The following RMDN1 variants were observed in gnomAD, a reference collection of about 807,000 sequenced individuals.
RMDN1 encodes regulator of microtubule dynamics 1.
In RMDN1, 48 loss-of-function variants were observed where a neutral mutation model predicts 48.9. The observed-to-expected ratio is 0.98, with a 90% CI of 0.78 to 1.25. The LOEUF is 1.25. Ranked by LOEUF, RMDN1 falls within the 50% of genes most tolerant of loss-of-function variation. RMDN1 has a pLI of 0.00. For missense variants in RMDN1, 418 were observed against 373.4 expected (o/e 1.12, Z -0.98); for synonymous variants, 148 against 132.6 (o/e 1.12, Z -0.80).
rs758051177 is a variant in RMDN1, at chr8:86,507,068, T to C, written c.174A>G (p.Ser58=). Reference sequence around the variant, plus strand: ...TTTCAAAACCCAAATACGACAAAGCTGAGAGTAAAAGGCCTCTTTTGAAAG... The same window carrying C: ...TTTCAAAACCCAAATACGACAAAGCCGAGAGTAAAAGGCCTCTTTTGAAAG... ...PGTFKRGLLL[S]ALSYLGFETY... Residue 58 remains serine (S), a synonymous_variant, in exon 2 of 10, where the codon TCA becomes TCG. Coordinates refer to ENST00000406452, the MANE Select transcript of RMDN1 (RefSeq NM_016033.3). 1.2e-5 allele frequency: 20 copies of C among 1,612,994 alleles called. No individual in the cohort carries two copies. The highest frequency in any genetic ancestry group is 3.3e-4 in the Middle Eastern group (2 of 6,058).
rs199728194 is a variant in RMDN1 at position 86,501,836 on chromosome 8, ATTATT to A, written c.247+5154_247+5158del. Among the ~76,000 whole-genome samples the A allele has an allele frequency of 1.7e-3, 262 of 152,232 alleles. 3 individuals carry two copies. Among genetic ancestry groups the A allele is most frequent in the African/African-American group, 6.1e-3 (252 of 41,532 alleles). On this transcript the variant is annotated intron_variant, in intron 2 of 9. Transcript: ENST00000406452. ...AGTCTAGGTTGCTTTAAAAAGATGA[ATTATT>A]TTAAGTATTTGCCAAAATAAATCAT...
chr8:86,481,994 G>T, intron 5 of RMDN1: 1 of 846,840 alleles, frequency 1.2e-6, no homozygotes, highest in Non-Finnish European at 2.0e-6. Context: ...ATGGTGTCCA[G>T]GAGTACAGTC....
chr8:86,481,532 T>TG (rs1200951082), intron 5 of RMDN1, among the ~76,000 whole-genome samples: 2 of 149,306 alleles, frequency 1.3e-5, no homozygotes, highest in Admixed American at 6.7e-5. Context: ...AATGGATGCC[T>TG]GGGGGGATCA....
intron 2 of RMDN1, among the ~76,000 whole-genome samples, chr8:86,502,565 C>G (rs375694098): frequency 3.5e-4 from 54 of 152,268 alleles, no homozygotes; most frequent in African/African-American, 1.3e-3. Flanking sequence ...TATACGTTTA[C>G]TTATCTATAT....
In RMDN1 at chr8:86,472,577, T is replaced by C; in HGVS notation, c.*1731A>G. On this transcript the variant is annotated 3_prime_UTR_variant, in exon 10 of 10. Transcript: ENST00000406452. Reference sequence around the variant, plus strand: ...GCCATTGTTGTTGCCGTTTAACAGCTGATACAGGTTTCTGGTGATGCTACT... The same window carrying C: ...GCCATTGTTGTTGCCGTTTAACAGCCGATACAGGTTTCTGGTGATGCTACT... The C allele has an allele frequency of 1.5e-6, 1 of 679,336 alleles. No homozygotes were observed. The highest frequency in any genetic ancestry group is 2.7e-6 in the Non-Finnish European group (1 of 375,656). The allele number at this position is 679,336 out of a possible 1,614,324, so 42.1% of individuals were successfully genotyped here.
intron 3 of RMDN1, among the ~76,000 whole-genome samples, chr8:86,487,656 TTATTTTTTTAACATAAAAAA>T: frequency 6.6e-6 from 1 of 152,230 alleles, no homozygotes; most frequent in East Asian, 1.9e-4. Flanking sequence ...AATCCTAACT[TTATTTTTTTAACATAAAAAA>T]AAATTTGAAG....
rs1171204232 is a variant in RMDN1 at position 86,514,328 on chromosome 8, A to C, written c.-90T>G. ...GCCTACTGGCAAGGAGCTGACATGC[A>C]GCCCGGAGTCAGCTCCCTGCGGATG... On this transcript the variant is annotated 5_prime_UTR_variant, in exon 1 of 10. Coordinates refer to the RMDN1 transcript ENST00000523911. 7.5e-6 allele frequency: 7 copies of C among 931,654 alleles called. No homozygotes were observed. The East Asian group carries it at 7.0e-4, about 93-fold the overall frequency. The allele number at this position is 931,654 out of a possible 1,614,324, so 57.7% of individuals were successfully genotyped here.
At chr8:86,503,700 T>C in intron 2 of RMDN1, 1 of 471,822 alleles carries the variant, frequency 2.1e-6, no homozygotes, top group Non-Finnish European at 4.2e-6. Flanking sequence ...AAGGAATTTA[T>C]CAATAACACT....
At chr8:86,490,536 T>G (rs1816312009) in intron 2 of RMDN1, among the ~76,000 whole-genome samples, 1 of 151,932 alleles carries the variant, frequency 6.6e-6, no homozygotes, top group African/African-American at 2.4e-5. Context: ...AAGGGAATAT[T>G]CCCTAGGGTC....
rs1563672737 is a variant in RMDN1, at chr8:86,508,613, A to G, written c.8T>C (p.Leu3Pro). Residue 3 changes from leucine to proline, a missense_variant, in exon 1 of 10, where the codon CTG becomes CCG. By Grantham distance (98) the Leu-to-Pro change is moderately conservative. Coordinates refer to ENST00000406452, the MANE Select transcript of RMDN1 (RefSeq NM_016033.3). MA[L>P]AARLWRLLPF... Reference sequence around the variant, plus strand: ...CAGAAGGCGCCACAGTCGAGCAGCCAGCGCCATGACCTGCAACTTGCGGGC... The same window carrying G: ...CAGAAGGCGCCACAGTCGAGCAGCCGGCGCCATGACCTGCAACTTGCGGGC... The G allele has an allele frequency of 6.2e-7, 1 of 1,602,802 alleles. No homozygotes were observed. Among genetic ancestry groups the G allele is most frequent in the Admixed American group, 1.7e-5 (1 of 59,456 alleles).
chr8:86,493,514 C>T (rs1816842207), intron 2 of RMDN1, among the ~76,000 whole-genome samples: 2 of 152,062 alleles, frequency 1.3e-5, no homozygotes, highest in African/African-American at 2.4e-5. Context: ...GAAGAAAATT[C>T]TGTCATTGTG....
At chr8:86,508,863 G>C (rs1819876220), upstream of RMDN1, 1 of 1,157,308 alleles carries the variant, frequency 8.6e-7, no homozygotes, top group Non-Finnish European at 1.1e-6. Flanking sequence ...CAGGACTGAG[G>C]CCGTGAGAGC....
chr8:86,497,151 G>C (rs1817501289), intron 2 of RMDN1, among the ~76,000 whole-genome samples: 1 of 152,184 alleles, frequency 6.6e-6, no homozygotes, highest in African/African-American at 2.4e-5. Flanking sequence ...GTGCTAAGAG[G>C]AAAGTTTATG....
chr8:86,471,735 G>A (rs1379781469), downstream of RMDN1, among the ~76,000 whole-genome samples: 1 of 152,196 alleles, frequency 6.6e-6, no homozygotes, highest in African/African-American at 2.4e-5. Flanking sequence ...AGTGATAAAT[G>A]TGAAAGTCAG....
chr8:86,514,350 G>A (rs1204647086), upstream of RMDN1: 2 of 743,202 alleles, frequency 2.7e-6, no homozygotes, highest in Non-Finnish European at 3.3e-6. Flanking sequence ...GCTCCCTGCG[G>A]ATGGGCTGAT....
intron 2 of RMDN1, among the ~76,000 whole-genome samples, chr8:86,501,476 C>T (rs1471480251): frequency 6.6e-6 from 1 of 151,986 alleles, no homozygotes; most frequent in East Asian, 1.9e-4. Context: ...AGTTCAAGAC[C>T]AGCCCAGACA....
chr8:86,507,334 T>C (rs574406551), intron 1 of RMDN1, among the ~76,000 whole-genome samples: 2 of 152,126 alleles, frequency 1.3e-5, no homozygotes, highest in African/African-American at 4.8e-5. Context: ...AAAATCACAC[T>C]CCTGCTGGAA....
At chr8:86,492,408 T>A (rs1229659045) in intron 2 of RMDN1, among the ~76,000 whole-genome samples, 1 of 152,008 alleles carries the variant, frequency 6.6e-6, no homozygotes, top group African/African-American at 2.4e-5. Context: ...ATCCTAGCAC[T>A]TTGGGAGGCC....
At chr8:86,476,228 TAA>T (rs917749796) in intron 8 of RMDN1, among the ~76,000 whole-genome samples, 9 of 152,094 alleles carry the variant, frequency 5.9e-5, no homozygotes, top group Non-Finnish European at 1.2e-4. Flanking sequence ...TTAAATCTGT[TAA>T]AAAAAGTCAT....
Sources: allele counts gnomAD v4.1 joint callset (sites outside exome capture counted in the v4.1 genomes callset), GRCh38; gene constraint gnomAD v4.1.1; transcripts MANE v1.5; gene names NCBI Gene and HGNC (gene_info 2026-07-23, HGNC 2026-07-21).